DSCAML1: variants seen among roughly 807,000 people sequenced by gnomAD.
DSCAML1 encodes DS cell adhesion molecule like 1, also known as cell adhesion molecule DSCAML1.
Under a neutral mutation model 200.5 loss-of-function variants are expected in DSCAML1, and 38 were observed. The observed-to-expected ratio is 0.19, with a 90% CI of 0.15 to 0.25. The LOEUF is 0.25. Ranked by LOEUF, DSCAML1 falls within the 10% of genes least tolerant of loss-of-function variation. The pLI is 1.00. For missense variants in DSCAML1, 2,223 were observed against 2,858.8 expected, an observed-to-expected ratio of 0.78 and a Z score of 5.07; for synonymous variants, 1,215 against 1,165.0, an observed-to-expected ratio of 1.04 and a Z score of -0.87.
At chr11:117,793,777 T>C (rs2055520138) in intron 1 of DSCAML1, among the ~76,000 whole-genome samples, 1 of 152,178 alleles carries the variant, frequency 6.6e-6, no homozygotes, top group Non-Finnish European at 1.5e-5. Flanking sequence ...GTCTACTGCT[T>C]ACTTGTTTTT....
At chr11:117,579,099 C>G (rs1368034691) in intron 3 of DSCAML1, among the ~76,000 whole-genome samples, 1 of 152,210 alleles carries the variant, frequency 6.6e-6, no homozygotes. Flanking sequence ...TAATTCCTCT[C>G]TAAGTACATT....
At chr11:117,590,380 A>C (rs952328458) in intron 3 of DSCAML1, among the ~76,000 whole-genome samples, 37 of 152,040 alleles carry the variant, frequency 2.4e-4, no homozygotes, top group African/African-American at 8.2e-4. Flanking sequence ...AAAAAAAAAA[A>C]AAAACTTGTC....
At chr11:117,608,749 T>C (rs964246489) in intron 3 of DSCAML1, among the ~76,000 whole-genome samples, 4 of 152,232 alleles carry the variant, frequency 2.6e-5, no homozygotes, top group Non-Finnish European at 5.9e-5. Context: ...AGTTATCAGG[T>C]CTACAGGAAA....
chr11:117,509,964 C>T (rs2049586061), intron 8 of DSCAML1, among the ~76,000 whole-genome samples: 1 of 152,250 alleles, frequency 6.6e-6, no homozygotes, highest in Non-Finnish European at 1.5e-5. Flanking sequence ...CCAGGGCTTT[C>T]TCCCCAGAAG....
At chr11:117,526,572 G>T (rs1279292691) in intron 4 of DSCAML1, among the ~76,000 whole-genome samples, 8 of 152,092 alleles carry the variant, frequency 5.3e-5, no homozygotes, top group African/African-American at 1.7e-4. Flanking sequence ...AGGCTGGAGT[G>T]CAGTGGTGTG....
chr11:117,483,822 T>C (rs79296557), intron 11 of DSCAML1, among the ~76,000 whole-genome samples: 1,884 of 152,242 alleles, frequency 0.012, 43 homozygotes, highest in African/African-American at 0.043. Flanking sequence ...TCAGGAGGGA[T>C]GCCCAGGAGC....
chr11:117,605,202 G>T (rs1292265024), intron 3 of DSCAML1, among the ~76,000 whole-genome samples: 1 of 151,922 alleles, frequency 6.6e-6, no homozygotes, highest in Non-Finnish European at 1.5e-5. Context: ...CTGCTCCCGG[G>T]TTTTAGATCA....
chr11:117,462,487 T>G (rs1741137239), intron 17 of DSCAML1, among the ~76,000 whole-genome samples: 1 of 152,196 alleles, frequency 6.6e-6, no homozygotes, highest in Non-Finnish European at 1.5e-5. Flanking sequence ...CGGAGTCTGC[T>G]TCGCTCCGAG....
intron 3 of DSCAML1, among the ~76,000 whole-genome samples, chr11:117,750,612 G>A (rs1323982354): frequency 6.6e-6 from 1 of 152,178 alleles, no homozygotes; most frequent in African/African-American, 2.4e-5. Context: ...GCCCAAGGCG[G>A]GGACATAAGA....
At chr11:117,439,691 G>T in intron 22 of DSCAML1, 128 bp downstream of exon 22, 1 of 932,136 alleles carries the variant, frequency 1.1e-6, no homozygotes, top group Non-Finnish European at 1.7e-6. Context: ...AGCACACCCT[G>T]CAGGGCCTCT....
intron 3 of DSCAML1, among the ~76,000 whole-genome samples, chr11:117,645,536 G>T (rs1048454545): frequency 1.3e-5 from 2 of 152,092 alleles, no homozygotes; most frequent in Non-Finnish European, 2.9e-5. Context: ...TTAAGAAAAT[G>T]TGGCACATAT....
upstream of DSCAML1, among the ~76,000 whole-genome samples, chr11:117,798,967 C>G (rs1476102798): frequency 2.6e-5 from 4 of 152,176 alleles, no homozygotes; most frequent in Non-Finnish European, 4.4e-5. Flanking sequence ...GAAACACAGG[C>G]ATAGAACAGA....
intron 3 of DSCAML1, among the ~76,000 whole-genome samples, chr11:117,617,678 A>G (rs1406682775): frequency 9.4e-6 from 1 of 105,950 alleles, no homozygotes; most frequent in Non-Finnish European, 2.0e-5. Flanking sequence ...ACACAGGTAC[A>G]CGCACACACA....
intron 20 of DSCAML1, 24 bp downstream of exon 20, chr11:117,450,525 T>A: frequency 6.2e-7 from 1 of 1,609,568 alleles, no homozygotes; most frequent in Non-Finnish European, 8.5e-7. Context: ...ATCCCCTTCA[T>A]CATCTGGCCC....
At chr11:117,677,072 T>A (rs973061225) in intron 3 of DSCAML1, among the ~76,000 whole-genome samples, 1 of 152,202 alleles carries the variant, frequency 6.6e-6, no homozygotes, top group African/African-American at 2.4e-5. Context: ...CCCACAAAGG[T>A]TTGAGTAAGT....
intron 3 of DSCAML1, among the ~76,000 whole-genome samples, chr11:117,759,442 G>A (rs2137888072): frequency 6.6e-6 from 1 of 152,288 alleles, no homozygotes; most frequent in South Asian, 2.1e-4. Context: ...TCTGTTCTCC[G>A]ACCCTGAGGG....
In DSCAML1 at chr11:117,480,265, G is replaced by C. The variant is rs938391688; in HGVS notation, c.2785+178C>G. Among the ~76,000 whole-genome samples the C allele has an allele frequency of 6.6e-6, 1 of 152,148 alleles. No homozygotes were observed. The highest frequency in any genetic ancestry group is 2.4e-5 in the African/African-American group (1 of 41,428). On this transcript the variant is annotated intron_variant, in intron 14 of 32. Transcript: ENST00000651296. The surrounding 1 kb of genome is among the most constrained non-coding windows in gnomAD (Gnocchi z 4.1). ...CATCTTCCACCCGGACTCCTAGCCC[G>C]GCCAGTGTCCCTCCCTTCAGAAGCC...
At chr11:117,573,160 C>T (rs1259051857) in intron 3 of DSCAML1, among the ~76,000 whole-genome samples, 1 of 152,188 alleles carries the variant, frequency 6.6e-6, no homozygotes, top group Non-Finnish European at 1.5e-5. Flanking sequence ...GTCGTGCATT[C>T]AGAAGGTGAT....
At chr11:117,575,340 T>C (rs950224583) in intron 3 of DSCAML1, among the ~76,000 whole-genome samples, 1 of 151,798 alleles carries the variant, frequency 6.6e-6, no homozygotes, top group Non-Finnish European at 1.5e-5. Flanking sequence ...CTAGAAGAAA[T>C]GGGGTGAGGT....
Sources: gnomAD v4.1 joint callset for allele counts (sites outside exome capture counted in the v4.1 genomes callset) on GRCh38, gnomAD v4.1.1 for gene constraint, Gnocchi (gnomAD v3.1) non-coding constraint, MANE v1.5 for transcripts, NCBI Gene and HGNC (gene_info 2026-07-23, HGNC 2026-07-21) for gene names.